LRRC9: variants seen among roughly 807,000 people sequenced by gnomAD.
LRRC9 encodes the protein leucine rich repeat containing 9.
Under a neutral mutation model 63.2 loss-of-function variants are expected in LRRC9, and 122 were observed. The observed-to-expected ratio is 1.93, with a 90% CI of 1.67 to 2.24. LRRC9 has a LOEUF of 2.24. Among genes scored for constraint, LRRC9 ranks in the 30% most tolerant of loss-of-function variants. LRRC9 has a pLI of 0.00. For missense variants in LRRC9, 1,071 were observed against 627.7 expected, an observed-to-expected ratio of 1.71 and a Z score of -7.55; for synonymous variants, 366 against 213.1, an observed-to-expected ratio of 1.72 and a Z score of -6.25.
intron 27 of LRRC9, among the ~76,000 whole-genome samples, chr14:60,025,816 G>A (rs886602868): frequency 6.6e-6 from 1 of 152,024 alleles, no homozygotes; most frequent in African/African-American, 2.4e-5. Context: ...CAGCTTGAAT[G>A]GTATAATAAG....
At chr14:59,954,970 G>C (rs114722657) in intron 8 of LRRC9, among the ~76,000 whole-genome samples, 1 of 152,152 alleles carries the variant, frequency 6.6e-6, no homozygotes, top group Admixed American at 6.5e-5. Context: ...ATGTTGAACC[G>C]GCCTTGCATC....
At chr14:59,953,940 T>G (rs781112863) in intron 8 of LRRC9, among the ~76,000 whole-genome samples, 14 of 152,214 alleles carry the variant, frequency 9.2e-5, no homozygotes, top group Non-Finnish European at 1.9e-4. Context: ...TTGCTTGTTT[T>G]TGTCAGGTTA....
intron 17 of LRRC9, among the ~76,000 whole-genome samples, chr14:59,993,537 G>T (rs1184174975): frequency 6.6e-6 from 1 of 152,100 alleles, no homozygotes; most frequent in East Asian, 1.9e-4. Flanking sequence ...AAAGAATCAA[G>T]ACCCATCAGT....
Position 60,053,830 on chromosome 14 carries a change from T to C in LRRC9, c.4131+625T>C, listed in dbSNP as rs985874812. 9.3e-6 allele frequency: 4 copies of C among 429,294 alleles called. No individual in the cohort carries two copies. Among genetic ancestry groups the C allele is most frequent in the Non-Finnish European group, 1.8e-5 (4 of 219,584 alleles). 26.6% of individuals were successfully genotyped at this position (429,294 alleles called of 1,614,324 possible). A position where few individuals can be genotyped will look rare whatever the true frequency, so the allele number is the denominator to read the frequency against. On this transcript the variant is annotated intron_variant, in intron 30 of 31. Coordinates refer to ENST00000445360, the Ensembl canonical transcript of LRRC9. The surrounding 1 kb of genome is among the most constrained non-coding windows in gnomAD (Gnocchi z 4.8). Reference sequence around the variant, plus strand: ...CCACCTAGTTTCTTCATGACCATCTTCTAAAGACTAAATTTAACACAGAAA... The same window carrying C: ...CCACCTAGTTTCTTCATGACCATCTCCTAAAGACTAAATTTAACACAGAAA...
intron 30 of LRRC9, among the ~76,000 whole-genome samples, chr14:60,055,997 C>T (rs540477538): frequency 6.6e-6 from 1 of 152,252 alleles, no homozygotes; most frequent in East Asian, 1.9e-4. Context: ...TTCTAGAGGC[C>T]ATCCGCATTC....
chr14:59,943,019 GT>G (rs58117451), intron 7 of LRRC9, among the ~76,000 whole-genome samples: 62,341 of 151,548 alleles, frequency 0.41, 13,337 homozygotes, highest in East Asian at 0.58. Context: ...TTTGTATTTT[GT>G]TTTTTTGCTG....
rs1416547704 is a variant in LRRC9, at chr14:60,042,842, T to C, written c.3991-10223T>C. Among the ~76,000 whole-genome samples, 2 of 152,186 alleles carry C rather than the reference T, an allele frequency of 1.3e-5. No individual in the cohort carries two copies. Among genetic ancestry groups the C allele is most frequent in the African/African-American group, 4.8e-5 (2 of 41,436 alleles). ...TCGGTGTCGCTCACACTGGGAGCTG[T>C]AGACTGGAGCTGTTCCTATTAGGCC... On this transcript the variant is annotated intron_variant, in intron 29 of 31. Coordinates refer to ENST00000445360, the Ensembl canonical transcript of LRRC9. The surrounding 1 kb of genome is among the most constrained non-coding windows in gnomAD (Gnocchi z 4.2).
intron 19 of LRRC9, 85 bp downstream of exon 19, chr14:59,999,311 T>G: frequency 1.7e-6 from 1 of 583,146 alleles, no homozygotes; most frequent in Non-Finnish European, 3.0e-6. Context: ...CATTAAGATT[T>G]TATAGTCCCT....
At chr14:60,038,914 A>T (rs961784145) in intron 29 of LRRC9, among the ~76,000 whole-genome samples, 1 of 152,160 alleles carries the variant, frequency 6.6e-6, no homozygotes, top group African/African-American at 2.4e-5. Context: ...TGTCATAAAT[A>T]GCTCTTATTA....
Position 60,058,755 on chromosome 14 carries a change from T to C in LRRC9, c.4276+733T>C, listed in dbSNP as rs1894459476. Among the ~76,000 whole-genome samples, 2 of 152,006 alleles carry C rather than the reference T, an allele frequency of 1.3e-5. No individual in the cohort carries two copies. Among genetic ancestry groups the C allele is most frequent in the Admixed American group, 1.3e-4 (2 of 15,258 alleles). The stretch of plus-strand genomic sequence containing the variant: ...CACTCTTAGACAATAAAACTGAACA[T>C]CACAATAATTATAAAATGATCTAAG... On this transcript the variant is annotated intron_variant, in intron 31 of 31. Coordinates refer to ENST00000445360, the Ensembl canonical transcript of LRRC9. This position sits in a 1 kb window ranked among gnomAD's most constrained non-coding sequence, Gnocchi z 4.4.
exon 17 of LRRC9, chr14:59,985,182 T>C (rs1239484637): frequency 2.9e-6 from 2 of 692,394 alleles, no homozygotes; most frequent in Non-Finnish European, 5.3e-6. Flanking sequence ...AACTAAACAT[T>C]AGCTTTAATG....
In LRRC9 at chr14:60,038,589, A is replaced by G. The variant is rs528696541; in HGVS notation, c.3990+6526A>G. On this transcript the variant is annotated intron_variant, in intron 29 of 31. Transcript: ENST00000445360. The stretch of plus-strand genomic sequence containing the variant: ...GTTTATCTGTTATTGGTGTATAGGA[A>G]TGTTTGTAATTTTTGCACATTGATT... Among the ~76,000 whole-genome samples the G allele has an allele frequency of 3.3e-5, 5 of 152,258 alleles. No homozygotes were observed. In the South Asian group the frequency reaches 1.0e-3, roughly 32 times the overall value.
intron 14 of LRRC9, 64 bp from the exon 15 acceptor site, chr14:59,977,953 A>G (rs1473480422): frequency 3.0e-6 from 2 of 657,050 alleles, no homozygotes; most frequent in Non-Finnish European, 5.6e-6. Context: ...CTATGTAAGA[A>G]TGAAAAAGTA....
intron 1 of LRRC9, 65 bp downstream of exon 1, chr14:59,920,338 T>G (rs1340160462): frequency 6.6e-6 from 1 of 152,144 alleles, no homozygotes; most frequent in African/African-American, 2.4e-5. Flanking sequence ...CCCCTCTTTT[T>G]CCTTCCAAGC....
At chr14:59,994,575 A>G (rs941749216) in intron 17 of LRRC9, among the ~76,000 whole-genome samples, 9 of 152,332 alleles carry the variant, frequency 5.9e-5, no homozygotes, top group East Asian at 1.9e-4. Flanking sequence ...TGTTTATTGC[A>G]GCACTATTCA....
intron 8 of LRRC9, among the ~76,000 whole-genome samples, chr14:59,959,330 T>G (rs548827381): frequency 6.6e-6 from 1 of 152,200 alleles, no homozygotes; most frequent in African/African-American, 2.4e-5. Flanking sequence ...AGGAAAAATG[T>G]GCACCCCTAT....
intron 1 of LRRC9, among the ~76,000 whole-genome samples, chr14:59,926,567 T>A (rs35242934): frequency 0.43 from 64,773 of 151,904 alleles, 14,525 homozygotes; most frequent in East Asian, 0.64. Context: ...CTAGATCAAA[T>A]AATACATTGT....
At chr14:60,024,515 G>A (rs1308181397) in intron 27 of LRRC9, among the ~76,000 whole-genome samples, 6 of 152,028 alleles carry the variant, frequency 3.9e-5, no homozygotes, top group Non-Finnish European at 7.4e-5. Context: ...AGACATCGAG[G>A]TAGTTGATCT....
intron 15 of LRRC9, among the ~76,000 whole-genome samples, chr14:59,979,021 G>A (rs1399184239): frequency 1.3e-5 from 2 of 152,026 alleles, no homozygotes; most frequent in African/African-American, 4.8e-5. Flanking sequence ...AGAGTTGTAC[G>A]AACCAAATGT....
Sources: allele counts gnomAD v4.1 joint callset (sites outside exome capture counted in the v4.1 genomes callset), GRCh38; gene constraint gnomAD v4.1.1; non-coding constraint Gnocchi (gnomAD v3.1); transcripts MANE v1.5; gene names NCBI Gene and HGNC (gene_info 2026-07-23, HGNC 2026-07-21).